CYP46A1: variants seen among roughly 807,000 people sequenced by gnomAD.
CYP46A1 encodes cytochrome P450 family 46 subfamily A member 1.
A neutral mutation model predicts 63.3 loss-of-function variants in CYP46A1; 20 were observed. The ratio of observed to expected loss-of-function variants is 0.32; its 90% CI spans 0.22 to 0.46. The LOEUF is 0.46. CYP46A1 is among the 20% of genes least tolerant of loss of function. The probability of loss-of-function intolerance (pLI) is 1.00; values close to 1 mark genes in which losing one functional copy is unlikely to be tolerated. For missense variants in CYP46A1, 445 were observed against 670.8 expected (o/e 0.66, Z 3.72); for synonymous variants, 268 against 273.6 (o/e 0.98, Z 0.20).
intron 13 of CYP46A1, 56 bp from the exon 14 acceptor site, chr14:99,726,134 G>A (rs2056894230): frequency 6.7e-7 from 1 of 1,495,802 alleles, no homozygotes; most frequent in African/African-American, 1.4e-5. Context: ...TCCTTATGTT[G>A]TTCCTGTGGG....
intron 3 of CYP46A1, among the ~76,000 whole-genome samples, chr14:99,694,339 C>G (rs1459195333): frequency 2.9e-5 from 4 of 137,932 alleles, no homozygotes; most frequent in African/African-American, 1.1e-4. Context: ...TATGTTCCCT[C>G]TCTCATTCCT....
At chr14:99,708,038 A>C (rs1595195471) in intron 7 of CYP46A1, 1 of 274,556 alleles carries the variant, frequency 3.6e-6, no homozygotes. Flanking sequence ...CGAAAGGTGC[A>C]CCCTGCCTGC....
rs1003981696 is a variant in CYP46A1 at position 99,701,813 on chromosome 14, T to C, written c.443+1712T>C. 3.9e-5 allele frequency among the ~76,000 whole-genome samples: 6 copies of C among 152,198 alleles called. No homozygotes were observed. The South Asian group carries it at 1.0e-3, about 26-fold the overall frequency. On this transcript the variant is annotated intron_variant, in intron 5 of 14. Transcript: ENST00000261835. ...AGCCAGGCGTGGTGGTTCATGCCTG[T>C]AATCCCAGCACTTTGGGGGGCCAAG...
At chr14:99,706,588 A>G in intron 5 of CYP46A1, 59 bp from the exon 6 acceptor site, 2 of 1,599,526 alleles carry the variant, frequency 1.3e-6, no homozygotes, top group Non-Finnish European at 1.7e-6. Flanking sequence ...GGGAGGGCAC[A>G]TGGCAGTCCA....
chr14:99,687,787 T>C (rs1159767624), intron 1 of CYP46A1, among the ~76,000 whole-genome samples: 1 of 152,060 alleles, frequency 6.6e-6, no homozygotes, highest in Non-Finnish European at 1.5e-5. Flanking sequence ...TTGCCTCTCC[T>C]CTCTCCCAGG....
chr14:99,723,249 T>G (rs1258038032), intron 12 of CYP46A1: 1 of 169,432 alleles, frequency 5.9e-6, no homozygotes, highest in Non-Finnish European at 1.3e-5. Context: ...TTTTTCGTAT[T>G]GCTATGTAGA....
At chr14:99,705,393 G>A (rs1033155533) in intron 5 of CYP46A1, among the ~76,000 whole-genome samples, 2 of 139,360 alleles carry the variant, frequency 1.4e-5, no homozygotes, top group South Asian at 4.9e-4. Context: ...TTTATTTTTT[G>A]CAGAGACGGA....
intron 5 of CYP46A1, among the ~76,000 whole-genome samples, 163 bp downstream of exon 5, chr14:99,700,264 G>GGAGA (rs34779504): frequency 1.3e-5 from 2 of 151,016 alleles, no homozygotes; most frequent in East Asian, 3.9e-4. Context: ...TAGTCAAAAG[G>GGAGA]GAGAGAGAGA....
chr14:99,700,811 C>T (rs1336466419), intron 5 of CYP46A1, among the ~76,000 whole-genome samples: 1 of 152,258 alleles, frequency 6.6e-6, no homozygotes, highest in Admixed American at 6.5e-5. Flanking sequence ...TATACAACAG[C>T]CTCAGGCAGG....
intron 1 of CYP46A1, chr14:99,684,841 T>C (rs1453209474): frequency 8.2e-6 from 4 of 485,944 alleles, no homozygotes; most frequent in African/African-American, 5.9e-5. Flanking sequence ...AGAGGCGAAG[T>C]CACCTGCCCA....
At chr14:99,687,296 G>A (rs1457297653) in intron 1 of CYP46A1, among the ~76,000 whole-genome samples, 1 of 152,200 alleles carries the variant, frequency 6.6e-6, no homozygotes, top group Non-Finnish European at 1.5e-5. Flanking sequence ...TGTGGGAGTG[G>A]ATGTAAACTT....
chr14:99,718,309 C>T (rs913971685), intron 10 of CYP46A1, among the ~76,000 whole-genome samples, 183 bp downstream of exon 10: 1 of 152,168 alleles, frequency 6.6e-6, no homozygotes, highest in Non-Finnish European at 1.5e-5. Flanking sequence ...AACACACCTC[C>T]TCCTCCCACT....
Position 99,726,715 on chromosome 14 carries a change from AC to A in CYP46A1, c.1497del (p.Cys500AlafsTer84), listed in dbSNP as rs1430959925. The A allele has an allele frequency of 4.6e-6, 7 of 1,509,120 alleles. No individual in the cohort carries two copies. The highest frequency in any genetic ancestry group is 5.3e-6 in the Non-Finnish European group (6 of 1,125,852). 93.5% of individuals were successfully genotyped at this position (1,509,120 alleles called of 1,614,324 possible). ...GCGGCTGGCAGCCCGCACCCCCACCACCCCCCTGCTGAGGGGGCCTCCAGGC... is the reference window on the plus strand; with the variant it reads ...GCGGCTGGCAGCCCGCACCCCCACCACCCCCTGCTGAGGGGGCCTCCAGGC... ...PRGWQPAPPP[P>X]PC is the part of the protein sequence containing the mutation. On this transcript the variant is annotated frameshift_variant, in exon 15 of 15. Transcript: ENST00000261835. LOFTEE classifies it high-confidence loss of function.
intron 3 of CYP46A1, among the ~76,000 whole-genome samples, chr14:99,692,646 A>G (rs1018266056): frequency 1.1e-4 from 16 of 152,132 alleles, no homozygotes; most frequent in Non-Finnish European, 2.9e-5. Context: ...CCTGGCCAAC[A>G]TGGTGAAACC....
chr14:99,704,588 C>T (rs1241488308), intron 5 of CYP46A1, among the ~76,000 whole-genome samples: 1 of 152,214 alleles, frequency 6.6e-6, no homozygotes, highest in Non-Finnish European at 1.5e-5. Flanking sequence ...GTTCACCTAA[C>T]GCTGTAGCCC....
At chr14:99,713,865 C>CAAAAAAAAA (rs71113218) in intron 7 of CYP46A1, among the ~76,000 whole-genome samples, 7 of 67,586 alleles carry the variant, frequency 1.0e-4, no homozygotes, top group African/African-American at 2.7e-4. Context: ...GACTCCATCT[C>CAAAAAAAAA]AAAAAAAAAA....
intron 9 of CYP46A1, 115 bp downstream of exon 9, chr14:99,716,314 G>T (rs911126173): frequency 1.9e-6 from 2 of 1,073,610 alleles, no homozygotes; most frequent in East Asian, 2.5e-5. Flanking sequence ...AGAGCTCACC[G>T]CAGGGCTAGG....
In CYP46A1 at chr14:99,726,483, C is replaced by T. The variant is rs1030485374; in HGVS notation, c.1333-74C>T. On this transcript the variant is annotated intron_variant, in intron 14 of 14. Transcript: ENST00000261835. ...TCTCCAGGAGGAGAGCCGGCTGTGA[C>T]ATTTGCTGCTCATTCACTCACTCAT... The T allele has an allele frequency of 1.2e-5, 17 of 1,394,304 alleles. No individual in the cohort carries two copies. The African/African-American group carries it at 2.5e-4, about 20-fold the overall frequency. The allele number at this position is 1,394,304 out of a possible 1,614,324, so 86.4% of individuals were successfully genotyped here.
Position 99,722,135 on chromosome 14 carries a change from T to G in CYP46A1, c.1176+69T>G. 1 of 1,199,164 alleles carries G rather than the reference T, an allele frequency of 8.3e-7. No homozygotes were observed. The highest frequency in any genetic ancestry group is 1.2e-6 in the Non-Finnish European group (1 of 826,574). 74.3% of individuals were successfully genotyped at this position (1,199,164 alleles called of 1,614,324 possible). A position where few individuals can be genotyped will look rare whatever the true frequency, so the allele number is the denominator to read the frequency against. On this transcript the variant is annotated intron_variant, in intron 12 of 14. Transcript: ENST00000261835. This position sits in a 1 kb window ranked among gnomAD's most constrained non-coding sequence, Gnocchi z 4.6. Reference sequence around the variant, plus strand: ...GCCCCAATGGTGGTGAATTTGGGACTCACCAGGGGAGCCTGTGGCCCTGTT... The same window carrying G: ...GCCCCAATGGTGGTGAATTTGGGACGCACCAGGGGAGCCTGTGGCCCTGTT...
Sources: allele counts gnomAD v4.1 joint callset (sites outside exome capture counted in the v4.1 genomes callset), GRCh38; gene constraint gnomAD v4.1.1; non-coding constraint Gnocchi (gnomAD v3.1); transcripts MANE v1.5; gene names NCBI Gene and HGNC (gene_info 2026-07-23, HGNC 2026-07-21).